The following ZNF385B variants were observed in gnomAD, a reference collection of about 807,000 sequenced individuals.
ZNF385B encodes the protein zinc finger protein 533.
ZNF385B carries 23 observed loss-of-function variants against 39.2 expected under a neutral mutation model. The ratio of observed to expected loss-of-function variants is 0.59; its 90% CI spans 0.42 to 0.83. ZNF385B has a LOEUF of 0.83. Among genes scored for constraint, ZNF385B ranks in the 40% least tolerant of loss-of-function variants. The pLI is 0.00. For missense variants in ZNF385B, 552 were observed against 598.9 expected (o/e 0.92, Z 0.82); for synonymous variants, 205 against 222.6 (o/e 0.92, Z 0.70).
chr2:179,672,497 T>C (rs968714525), intron 3 of ZNF385B, among the ~76,000 whole-genome samples: 9 of 152,028 alleles, frequency 5.9e-5, no homozygotes, highest in Non-Finnish European at 1.3e-4. Flanking sequence ...AGACATGAGG[T>C]TTAGGGGAGG....
Position 179,619,217 on chromosome 2 carries a change from T to C in ZNF385B, c.299-74248A>G, listed in dbSNP as rs577767647. On this transcript the variant is annotated intron_variant, in intron 3 of 9. Transcript: ENST00000410066. ...ACTTCAGGTGCATGAAAACATTGCA[T>C]TGCTGTGAATACTGAAAACACAGCA... Among the ~76,000 whole-genome samples, 6 of 152,294 alleles carry C rather than the reference T, an allele frequency of 3.9e-5. No individual in the cohort carries two copies. In the South Asian group the frequency reaches 1.0e-3, roughly 26 times the overall value.
intron 6 of ZNF385B, among the ~76,000 whole-genome samples, chr2:179,470,968 G>T (rs963575967): frequency 3.3e-5 from 5 of 152,022 alleles, no homozygotes; most frequent in South Asian, 4.1e-4. Flanking sequence ...CTTTCTCTTG[G>T]TCTTTGCCAC....
chr2:179,576,067 C>T lies in ZNF385B; in HGVS notation c.299-31098G>A, dbSNP rs943147389. On this transcript the variant is annotated intron_variant, in intron 3 of 9. Transcript: ENST00000410066. ...ATGGCAACTCTGGCACAACACTTGC[C>T]CCGTACCTCTCCTTTTCTTCCCACA... 9 of 889,074 alleles carry T rather than the reference C, an allele frequency of 1.0e-5. No individual in the cohort carries two copies. The African/African-American group carries it at 1.4e-4, about 14-fold the overall frequency. 55.1% of individuals were successfully genotyped at this position (889,074 alleles called of 1,614,324 possible). A position where few individuals can be genotyped will look rare whatever the true frequency, so the allele number is the denominator to read the frequency against.
chr2:179,778,827 A>T (rs902076469), intron 1 of ZNF385B, among the ~76,000 whole-genome samples: 1 of 152,228 alleles, frequency 6.6e-6, no homozygotes, highest in Non-Finnish European at 1.5e-5. Flanking sequence ...TACCAAAGTG[A>T]ACCACAGTTT....
chr2:179,825,904 C>G (rs1425569695), intron 1 of ZNF385B, among the ~76,000 whole-genome samples: 1 of 152,098 alleles, frequency 6.6e-6, no homozygotes, highest in East Asian at 1.9e-4. Flanking sequence ...TCAGGATTGC[C>G]CCCCCATCTC....
intron 1 of ZNF385B, among the ~76,000 whole-genome samples, chr2:179,845,888 G>A (rs896849180): frequency 5.3e-5 from 8 of 152,002 alleles, no homozygotes; most frequent in South Asian, 2.1e-4. Flanking sequence ...TTTAATTATC[G>A]GGACACTATT....
intron 5 of ZNF385B, among the ~76,000 whole-genome samples, chr2:179,495,576 G>C (rs1289921352): frequency 6.6e-6 from 1 of 152,176 alleles, no homozygotes; most frequent in Non-Finnish European, 1.5e-5. Context: ...GCTGGCTCTA[G>C]GTCTCACCCA....
At chr2:179,695,521 T>C (rs1047771084) in intron 3 of ZNF385B, among the ~76,000 whole-genome samples, 3 of 151,938 alleles carry the variant, frequency 2.0e-5, no homozygotes, top group Non-Finnish European at 4.4e-5. Context: ...AAAAGTACAA[T>C]TGGAAAATGG....
chr2:179,848,247 G>C (rs2106624982), intron 1 of ZNF385B, among the ~76,000 whole-genome samples: 1 of 152,308 alleles, frequency 6.6e-6, no homozygotes, highest in South Asian at 2.1e-4. Flanking sequence ...ACTCAGGACT[G>C]AAATTTTACA....
chr2:179,755,437 G>A (rs1213982375), intron 3 of ZNF385B, among the ~76,000 whole-genome samples: 5 of 152,234 alleles, frequency 3.3e-5, no homozygotes, highest in Admixed American at 6.5e-5. Context: ...TTCTGTAGAT[G>A]TCTATTAGGT....
intron 3 of ZNF385B, among the ~76,000 whole-genome samples, chr2:179,743,298 T>C (rs535147134): frequency 2.0e-5 from 3 of 152,122 alleles, no homozygotes; most frequent in South Asian, 4.1e-4. Context: ...ATTTGTGACA[T>C]AACATTCCCA....
At chr2:179,853,031 T>C (rs1245417848) in intron 1 of ZNF385B, among the ~76,000 whole-genome samples, 1 of 152,216 alleles carries the variant, frequency 6.6e-6, no homozygotes, top group Non-Finnish European at 1.5e-5. Flanking sequence ...TTAAGAACCA[T>C]ACATGCAGTA....
intron 1 of ZNF385B, among the ~76,000 whole-genome samples, chr2:179,842,447 C>T (rs1424731977): frequency 6.6e-6 from 1 of 152,118 alleles, no homozygotes; most frequent in Non-Finnish European, 1.5e-5. Context: ...CTAATAAAAT[C>T]TTAAATCTGA....
intron 3 of ZNF385B, among the ~76,000 whole-genome samples, chr2:179,553,408 T>C (rs2060704325): frequency 6.7e-6 from 1 of 149,232 alleles, no homozygotes; most frequent in Non-Finnish European, 1.5e-5. Context: ...CAGAACTTAT[T>C]TTACTTTTTA....
intron 6 of ZNF385B, among the ~76,000 whole-genome samples, chr2:179,465,674 C>G (rs1517707): frequency 0.29 from 43,901 of 151,952 alleles, 6,719 homozygotes; most frequent in East Asian, 0.46. Flanking sequence ...TGTGCCACTA[C>G]CTCATTTTAG....
chr2:179,565,161 C>T (rs1273468375), intron 3 of ZNF385B, among the ~76,000 whole-genome samples: 10 of 152,132 alleles, frequency 6.6e-5, no homozygotes, highest in Non-Finnish European at 1.5e-5. Context: ...AATCATTATC[C>T]TACTCAAACA....
chr2:179,586,252 C>T (rs1687059835), intron 3 of ZNF385B, among the ~76,000 whole-genome samples: 1 of 152,132 alleles, frequency 6.6e-6, no homozygotes, highest in South Asian at 2.1e-4. Context: ...TTTTGGTGCC[C>T]CCAATGTACA....
In ZNF385B at chr2:179,771,417, T is replaced by C. The variant is rs186051439; in HGVS notation, c.-154-745A>G. ...TGTCTGAACACTGTTAATTTTGATA[T>C]GCAAAACCTACTTGTCCCTTTTAAT... is the stretch of plus-strand genomic sequence containing the variant. On this transcript the variant is annotated intron_variant, in intron 1 of 9. Coordinates refer to ENST00000410066, the MANE Select transcript of ZNF385B (RefSeq NM_152520.6). Among the ~76,000 whole-genome samples, 569 of 152,338 alleles carry C rather than the reference T, an allele frequency of 3.7e-3. 5 individuals carry two copies. The highest frequency in any genetic ancestry group is 0.013 in the African/African-American group (539 of 41,578).
chr2:179,499,364 T>C (rs1439275735), intron 5 of ZNF385B, among the ~76,000 whole-genome samples: 1 of 151,982 alleles, frequency 6.6e-6, no homozygotes, highest in Non-Finnish European at 1.5e-5. Flanking sequence ...TGTGCCAATA[T>C]CTCTGATGAA....
Sources: gnomAD v4.1 joint callset for allele counts (sites outside exome capture counted in the v4.1 genomes callset) on GRCh38, gnomAD v4.1.1 for gene constraint, MANE v1.5 for transcripts, NCBI Gene and HGNC (gene_info 2026-07-23, HGNC 2026-07-21) for gene names.